The following MIPOL1 variants were observed in gnomAD, a reference collection of about 807,000 sequenced individuals.
MIPOL1 encodes mirror-image polydactyly 1.
MIPOL1 carries 57 observed loss-of-function variants against 60.9 expected under a neutral mutation model. That is an observed-to-expected ratio of 0.94 (90% CI 0.76 to 1.17). The LOEUF is 1.17. Ranked by LOEUF, MIPOL1 falls within the 50% of genes most tolerant of loss-of-function variation. MIPOL1 has a pLI of 0.00. For synonymous variants in MIPOL1, 179 were observed against 168.8 expected, an observed-to-expected ratio of 1.06 and a Z score of -0.47; for missense variants, 551 against 511.6, an observed-to-expected ratio of 1.08 and a Z score of -0.74.
chr14:37,522,274 G>A (rs1009092371), intron 12 of MIPOL1, among the ~76,000 whole-genome samples: 2 of 152,000 alleles, frequency 1.3e-5, no homozygotes, highest in Admixed American at 6.6e-5. Flanking sequence ...GTTACTTTAC[G>A]CATCTTCAAA....
At chr14:37,415,129 C>T (rs1348862964) in intron 10 of MIPOL1, among the ~76,000 whole-genome samples, 2 of 151,422 alleles carry the variant, frequency 1.3e-5, no homozygotes, top group African/African-American at 2.4e-5. Flanking sequence ...ACTTTTTTGC[C>T]AGGGGTCTGT....
At chr14:37,413,326 A>G (rs1312077529) in intron 10 of MIPOL1, among the ~76,000 whole-genome samples, 1 of 152,198 alleles carries the variant, frequency 6.6e-6, no homozygotes, top group Admixed American at 6.5e-5. Context: ...CTCCATAAAG[A>G]AAGTGAGAAG....
chr14:37,340,683 G>T (rs2153461974), intron 9 of MIPOL1, among the ~76,000 whole-genome samples: 1 of 147,874 alleles, frequency 6.8e-6, no homozygotes, highest in Non-Finnish European at 1.5e-5. Flanking sequence ...TGGTGACAGA[G>T]ACCCTGTCTC....
rs143657951 is a variant in MIPOL1 at position 37,490,617 on chromosome 14, G to T, written c.1032-9291G>T. Among the ~76,000 whole-genome samples the T allele has an allele frequency of 7.2e-5, 11 of 152,324 alleles. No homozygotes were observed. In the East Asian group the frequency reaches 2.1e-3, roughly 29 times the overall value. On this transcript the variant is annotated intron_variant, in intron 11 of 12. Coordinates refer to ENST00000684589, the MANE Select transcript of MIPOL1 (RefSeq NM_001388067.1). ...GGGAATCTCTTGGTCTGTGGGTAGCGAAGACTATGGGAAAACCTCAGTATC... is the reference window on the plus strand; with the variant it reads ...GGGAATCTCTTGGTCTGTGGGTAGCTAAGACTATGGGAAAACCTCAGTATC...
chr14:37,517,668 A>G (rs986538237), intron 12 of MIPOL1, among the ~76,000 whole-genome samples: 1 of 152,218 alleles, frequency 6.6e-6, no homozygotes, highest in Admixed American at 6.5e-5. Context: ...GTACGTGCAC[A>G]TAGTGTAATA....
chr14:37,525,291 G>A lies in MIPOL1; in HGVS notation c.1263-21614G>A, dbSNP rs142822280. On this transcript the variant is annotated intron_variant, in intron 12 of 12. Transcript: ENST00000684589. ...ACCAGTAAACAGCAATCATAATAGG[G>A]GAAGTGTGTAGTACTGTGGGGACAC... Among the ~76,000 whole-genome samples, 53 of 152,250 alleles carry A rather than the reference G, an allele frequency of 3.5e-4. 1 individual carries two copies. The highest frequency in any genetic ancestry group is 1.3e-3 in the African/African-American group (52 of 41,548).
chr14:37,292,733 G>A (rs568015045), intron 7 of MIPOL1, among the ~76,000 whole-genome samples: 6 of 151,954 alleles, frequency 3.9e-5, no homozygotes, highest in South Asian at 2.1e-4. Context: ...TGCCTGCCTC[G>A]GCCTCCCAAA....
chr14:37,414,222 A>C (rs995622415), intron 10 of MIPOL1, among the ~76,000 whole-genome samples: 1 of 152,170 alleles, frequency 6.6e-6, no homozygotes, highest in Non-Finnish European at 1.5e-5. Context: ...TGAATGACAT[A>C]TTTTCATAAT....
chr14:37,223,099 C>T (rs1339328920), intron 1 of MIPOL1, among the ~76,000 whole-genome samples: 2 of 152,080 alleles, frequency 1.3e-5, no homozygotes, highest in African/African-American at 2.4e-5. Flanking sequence ...GTAATGTGAT[C>T]TCAGCTTACC....
chr14:37,250,190 C>A (rs991150780), intron 3 of MIPOL1, among the ~76,000 whole-genome samples: 1 of 152,136 alleles, frequency 6.6e-6, no homozygotes. Flanking sequence ...TTTTTACAGG[C>A]ATCTTTTTGA....
intron 6 of MIPOL1, chr14:37,278,713 T>C (rs950104039): frequency 1.3e-5 from 2 of 151,894 alleles, no homozygotes; most frequent in Non-Finnish European, 3.0e-5. Flanking sequence ...TAGAGAATCA[T>C]GAGCCAGTGT....
chr14:37,417,680 A>G (rs917621053), intron 10 of MIPOL1, among the ~76,000 whole-genome samples: 1 of 152,322 alleles, frequency 6.6e-6, no homozygotes, highest in East Asian at 1.9e-4. Flanking sequence ...ATGTTCTTTG[A>G]GAAATCATCT....
At chr14:37,309,982 C>G (rs992488989) in intron 9 of MIPOL1, among the ~76,000 whole-genome samples, 1 of 152,044 alleles carries the variant, frequency 6.6e-6, no homozygotes, top group African/African-American at 2.4e-5. Context: ...AGCCACCACG[C>G]CTGGCCTCAG....
At position 37,321,645 on chromosome 14, in the gene MIPOL1, A is replaced by G. The variant is rs77578928; in HGVS notation, c.828+13126A>G. On this transcript the variant is annotated intron_variant, in intron 9 of 12. Coordinates refer to ENST00000684589, the MANE Select transcript of MIPOL1 (RefSeq NM_001388067.1). ...TGTTGTGCATAGATGTATTGTTCGT[A>G]TGTTGTGTCAGTTATCAAGAGAGAT... 6.6e-4 allele frequency among the ~76,000 whole-genome samples: 101 copies of G among 152,120 alleles called. 1 individual carries two copies. In the East Asian group the frequency reaches 0.019, roughly 28 times the overall value.
At chr14:37,460,396 A>G (rs535344510) in intron 11 of MIPOL1, among the ~76,000 whole-genome samples, 15 of 152,270 alleles carry the variant, frequency 9.9e-5, no homozygotes, top group Admixed American at 9.2e-4. Flanking sequence ...CAACAGACCC[A>G]CAGCCAATAT....
chr14:37,454,131 C>G (rs1849590471), intron 11 of MIPOL1, among the ~76,000 whole-genome samples: 1 of 152,152 alleles, frequency 6.6e-6, no homozygotes. Flanking sequence ...CATACATTTG[C>G]CCCAGTGTCA....
At chr14:37,367,944 A>G (rs1458756412) in intron 9 of MIPOL1, among the ~76,000 whole-genome samples, 1 of 152,108 alleles carries the variant, frequency 6.6e-6, no homozygotes, top group Non-Finnish European at 1.5e-5. Flanking sequence ...TATAAAAGAC[A>G]GAGACACAGT....
At chr14:37,267,386 G>A (rs1008121801) in intron 4 of MIPOL1, among the ~76,000 whole-genome samples, 11 of 152,174 alleles carry the variant, frequency 7.2e-5, no homozygotes, top group Admixed American at 1.3e-4. Flanking sequence ...TACTCAGGAG[G>A]CTGAGTCATG....
At chr14:37,256,967 G>T (rs1262146405) in intron 3 of MIPOL1, among the ~76,000 whole-genome samples, 1 of 151,878 alleles carries the variant, frequency 6.6e-6, no homozygotes, top group East Asian at 1.9e-4. Flanking sequence ...ACTCTAACAA[G>T]GGGCTGATGA....
Sources: gnomAD v4.1 joint callset for allele counts (sites outside exome capture counted in the v4.1 genomes callset) on GRCh38, gnomAD v4.1.1 for gene constraint, MANE v1.5 for transcripts, NCBI Gene and HGNC (gene_info 2026-07-23, HGNC 2026-07-21) for gene names.